The following ZNF75A variants were observed in gnomAD, a reference collection of about 807,000 sequenced individuals.
ZNF75A encodes the protein zinc finger protein 75A.
ZNF75A carries 36 observed loss-of-function variants against 46.3 expected under a neutral mutation model. The ratio of observed to expected loss-of-function variants is 0.78; its 90% confidence interval spans 0.60 to 1.03. The LOEUF is 1.03. ZNF75A is among the 50% of genes least tolerant of loss of function. The pLI is 0.00. For missense variants in ZNF75A, 595 were observed against 551.3 expected (o/e 1.08, Z -0.79); for synonymous variants, 234 against 189.9 (o/e 1.23, Z -1.91).
chr16:3,323,394 C>G, downstream of ZNF75A: 4 of 829,512 alleles, frequency 4.8e-6, no homozygotes, highest in South Asian at 3.9e-5. Context: ...CCAAACTTCC[C>G]CAGGTGCTCC....
intron 5 of ZNF75A, among the ~76,000 whole-genome samples, 177 bp downstream of exon 5, chr16:3,313,352 A>G (rs1960954425): frequency 1.3e-5 from 2 of 152,222 alleles, no homozygotes; most frequent in South Asian, 4.1e-4. Context: ...CCAAATGTAC[A>G]TGCCGATTGC....
At chr16:3,322,091 A>G (rs1191898122), downstream of ZNF75A, among the ~76,000 whole-genome samples, 3 of 151,310 alleles carry the variant, frequency 2.0e-5, no homozygotes, top group Non-Finnish European at 4.4e-5. Flanking sequence ...GAGGTTTTCT[A>G]GTGCATAAAT....
At chr16:3,322,017 C>T (rs1262913473), downstream of ZNF75A, among the ~76,000 whole-genome samples, 2 of 152,120 alleles carry the variant, frequency 1.3e-5, no homozygotes, top group Non-Finnish European at 2.9e-5. Flanking sequence ...GCATTTACTC[C>T]AGCATTTCCT....
rs1961305795 is a variant in ZNF75A at position 3,317,462 on chromosome 16, A to G, written c.1207A>G (p.Lys403Glu). 1 of 1,613,984 alleles carries G rather than the reference A, an allele frequency of 6.2e-7. No individual in the cohort carries two copies. The highest frequency in any genetic ancestry group is 1.1e-5 in the South Asian group (1 of 91,068). The change falls in exon 7 of 7, where the codon AAA (lysine) becomes GAA (glutamate). Residue 403 changes from lysine (K) to glutamate (E), a missense_variant. Transcript: ENST00000669516. ...KKDCAREKPFKCQECGKTFRV... is the reference protein window; with the variant it reads ...KKDCAREKPFECQECGKTFRV... ...AGATTGTGCAAGAGAGAAGCCTTTTAAATGTCAGGAATGTGGGAAAACCTT... is the reference window on the plus strand; with the variant it reads ...AGATTGTGCAAGAGAGAAGCCTTTTGAATGTCAGGAATGTGGGAAAACCTT...
chr16:3,311,761 C>G lies in ZNF75A; in HGVS notation c.417C>G (p.Val139=), dbSNP rs772495343. The G allele has an allele frequency of 9.5e-7, 1 of 1,050,192 alleles. No homozygotes were observed. The highest frequency in any genetic ancestry group is 4.6e-4 in the Middle Eastern group (1 of 2,180). The allele number at this position is 1,050,192 out of a possible 1,614,324, so 65.1% of individuals were successfully genotyped here. The change falls in exon 3 of 7, where the codon GTC becomes GTG. Residue 139 remains valine, a synonymous_variant. Transcript: ENST00000669516. ...ESGQTWNGVA[V]HELGKEAVLL... ...ATGGGAATTATTTCTAGGTTGCAGT[C>G]CATGAGCTGGGAAAGGAGGCAGTGC...
At chr16:3,319,856 A>G (rs578150946), downstream of ZNF75A, among the ~76,000 whole-genome samples, 12 of 147,676 alleles carry the variant, frequency 8.1e-5, no homozygotes, top group South Asian at 2.6e-3. Context: ...TGCCTTAATC[A>G]TGGAACCACA....
Position 3,317,456 on chromosome 16 carries a change from C to G in ZNF75A, c.1201C>G (p.Pro401Ala). 4 of 1,614,070 alleles carry G rather than the reference C, an allele frequency of 2.5e-6. No individual in the cohort carries two copies. The highest frequency in any genetic ancestry group is 3.4e-6 in the Non-Finnish European group (4 of 1,179,998). ...RHKKDCAREK[P>A]FKCQECGKTF... ...CAAGAAAGATTGTGCAAGAGAGAAG[C>G]CTTTTAAATGTCAGGAATGTGGGAA... Residue 401 changes from proline to alanine, a missense_variant, in exon 7 of 7, where the codon CCT becomes GCT. Pro to Ala is a conservative substitution (Grantham distance 27). Coordinates refer to ENST00000669516, the MANE Select transcript of ZNF75A (RefSeq NM_001302109.2).
Position 3,316,989 on chromosome 16 carries a change from G to C in ZNF75A, c.901G>C (p.Glu301Gln). ...GEEPWVQVSP[E>Q]FKDSAGKSPT... ...AGAGCCATGGGTTCAAGTATCCCCG[G>C]AGTTTAAGGATAGTGCCGGAAAATC... The change falls in exon 6 of 7, where the codon GAG becomes CAG. Residue 301 changes from glutamate (E) to glutamine (Q), a missense_variant. Coordinates refer to ENST00000669516, the MANE Select transcript of ZNF75A (RefSeq NM_001302109.2). 1 of 1,614,116 alleles carries C rather than the reference G, an allele frequency of 6.2e-7. No homozygotes were observed. Among genetic ancestry groups the C allele is most frequent in the Non-Finnish European group, 8.5e-7 (1 of 1,179,996 alleles).
chr16:3,312,691 C>T lies in ZNF75A; in HGVS notation c.619C>T (p.Gln207Ter). 1 of 1,013,540 alleles carries T rather than the reference C, an allele frequency of 9.9e-7. No homozygotes were observed. Among genetic ancestry groups the T allele is most frequent in the Non-Finnish European group, 1.2e-6 (1 of 846,614 alleles). The allele number at this position is 1,013,540 out of a possible 1,614,324, so 62.8% of individuals were successfully genotyped here. A position where few individuals can be genotyped will look rare whatever the true frequency, so the allele number is the denominator to read the frequency against. ...TCCCCCCACAGCTGTGCCTACTCAA[C>T]AGATTCTAGCTTTTCCTGAGCAAAC... Reference protein sequence around the residue: ...PVYERAVPTQQILAFPEQTNT... With the variant: ...PVYERAVPTQ The change falls in exon 4 of 7, where the codon CAG becomes TAG. Residue 207 changes from glutamine to a stop codon, truncating the protein, a stop_gained. Coordinates refer to ENST00000669516, the MANE Select transcript of ZNF75A (RefSeq NM_001302109.2). LOFTEE classifies it high-confidence loss of function.
chr16:3,323,379 T>G, downstream of ZNF75A: 3 of 971,032 alleles, frequency 3.1e-6, no homozygotes, highest in Non-Finnish European at 4.9e-6. Flanking sequence ...TCCAAGCAAA[T>G]GACACCAAAC....
chr16:3,320,361 T>C (rs912852687), downstream of ZNF75A, among the ~76,000 whole-genome samples: 7 of 152,190 alleles, frequency 4.6e-5, no homozygotes, highest in African/African-American at 1.4e-4. Flanking sequence ...CCTATCTTAA[T>C]AGAGCTTGGA....
intron 1 of ZNF75A, chr16:3,306,264 G>A (rs1960225094): frequency 6.6e-6 from 1 of 152,202 alleles, no homozygotes; most frequent in East Asian, 1.9e-4. Context: ...CACTTTCATC[G>A]TCACCAACTC....
chr16:3,316,694 T>C (rs1459208726), intron 5 of ZNF75A: 12 of 395,076 alleles, frequency 3.0e-5, no homozygotes, highest in East Asian at 4.3e-5. Context: ...ATCCTTTTCA[T>C]TGATCCACCG....
rs1401138579 is a variant in ZNF75A at position 3,317,443 on chromosome 16, T to C, written c.1188T>C (p.Cys396=). Residue 396 remains cysteine, a synonymous_variant, in exon 7 of 7, where the codon TGT becomes TGC. Coordinates refer to ENST00000669516, the MANE Select transcript of ZNF75A (RefSeq NM_001302109.2). ...TTATGGATCGTCACAAGAAAGATTG[T>C]GCAAGAGAGAAGCCTTTTAAATGTC... The part of the protein sequence containing the change: ...LKLMDRHKKD[C]AREKPFKCQE... 6.2e-7 allele frequency: 1 copy of C among 1,614,020 alleles called. No homozygotes were observed. The highest frequency in any genetic ancestry group is 8.5e-7 in the Non-Finnish European group (1 of 1,180,012).
downstream of ZNF75A, chr16:3,322,797 CA>C (rs936010161): frequency 3.6e-6 from 2 of 562,024 alleles, no homozygotes; most frequent in African/African-American, 4.1e-5. Context: ...TTTTTCAAAA[CA>C]AGGACCCAGG....
intron 1 of ZNF75A, chr16:3,305,919 C>G (rs1436739830): frequency 1.3e-5 from 2 of 152,230 alleles, no homozygotes; most frequent in East Asian, 1.9e-4. Context: ...GTGGCGAATC[C>G]GAGTGCTGGC....
At chr16:3,312,635 T>G in intron 3 of ZNF75A, 42 bp from the exon 4 acceptor site, 1 of 903,212 alleles carries the variant, frequency 1.1e-6, no homozygotes, top group Non-Finnish European at 1.3e-6. Context: ...TCAGGATGTT[T>G]ATAGATAAAA....
intron 1 of ZNF75A, 50 bp from the exon 2 acceptor site, chr16:3,308,263 G>C (rs1020002875): frequency 3.9e-6 from 1 of 255,570 alleles, no homozygotes; most frequent in Non-Finnish European, 6.1e-6. Flanking sequence ...AAGTGATGAG[G>C]TTCATGTGAG....
intron 5 of ZNF75A, chr16:3,316,158 T>C (rs186727571): frequency 1.8e-4 from 27 of 152,360 alleles, no homozygotes; most frequent in Admixed American, 1.2e-3. Flanking sequence ...CCTGACATTA[T>C]TTTGTTTATT....
Sources: allele counts gnomAD v4.1 joint callset (sites outside exome capture counted in the v4.1 genomes callset), GRCh38; gene constraint gnomAD v4.1.1; transcripts MANE v1.5; gene names NCBI Gene and HGNC (gene_info 2026-07-23, HGNC 2026-07-21).